TWSG1: variants seen among roughly 807,000 people sequenced by gnomAD.
The protein encoded by TWSG1 is twisted gastrulation protein homolog 1.
In TWSG1, 15 loss-of-function variants were observed where a neutral mutation model predicts 23.0. That is an observed-to-expected ratio of 0.65 (90% confidence interval 0.44 to 1.00). The LOEUF (loss-of-function observed/expected upper bound fraction) is 1.00. Ranked by LOEUF, TWSG1 falls within the 50% of genes least tolerant of loss-of-function variation. The pLI, the probability that TWSG1 is intolerant of heterozygous loss-of-function variation, is 0.00. For missense variants in TWSG1, 242 were observed against 278.7 expected (o/e 0.87, Z 0.94); for synonymous variants, 86 against 92.8 (o/e 0.93, Z 0.42).
intron 2 of TWSG1, among the ~76,000 whole-genome samples, chr18:9,348,385 C>A (rs755514983): frequency 1.3e-5 from 2 of 152,120 alleles, no homozygotes; most frequent in Admixed American, 6.5e-5. Flanking sequence ...TTTCATGTGC[C>A]AGTGATTGTT....
intron 2 of TWSG1, among the ~76,000 whole-genome samples, chr18:9,347,291 A>G (rs1322946687): frequency 6.6e-6 from 1 of 152,176 alleles, no homozygotes; most frequent in Non-Finnish European, 1.5e-5. Context: ...TTCTTTGGAG[A>G]GTATTTTTTG....
intron 2 of TWSG1, among the ~76,000 whole-genome samples, chr18:9,350,161 G>A (rs551034927): frequency 2.0e-4 from 31 of 151,892 alleles, no homozygotes; most frequent in Middle Eastern, 3.4e-3. Context: ...AAGTTGTGGC[G>A]CTAACCTATT....
chr18:9,372,515 C>G (rs966799803), intron 3 of TWSG1, among the ~76,000 whole-genome samples: 2 of 147,812 alleles, frequency 1.4e-5, no homozygotes, highest in Admixed American at 6.8e-5. Context: ...GGGACAACTA[C>G]TGTATGTATA....
chr18:9,391,851 C>T lies in TWSG1; in HGVS notation c.224-4429C>T, dbSNP rs139207751. Among the ~76,000 whole-genome samples the T allele has an allele frequency of 5.1e-3, 779 of 152,310 alleles. 6 individuals carry two copies. The highest frequency in any genetic ancestry group is 0.018 in the African/African-American group (742 of 41,560). Reference sequence around the variant, plus strand: ...TGAAAGCAACATTAATCCCCTTGTACGTCTTCATCAGAGCTCTTGAGTAAC... The same window carrying T: ...TGAAAGCAACATTAATCCCCTTGTATGTCTTCATCAGAGCTCTTGAGTAAC... On this transcript the variant is annotated intron_variant, in intron 3 of 4. Coordinates refer to ENST00000262120, the MANE Select transcript of TWSG1 (RefSeq NM_020648.6).
At chr18:9,398,596 T>A (rs1455214586) in intron 4 of TWSG1, among the ~76,000 whole-genome samples, 1 of 152,068 alleles carries the variant, frequency 6.6e-6, no homozygotes, top group African/African-American at 2.4e-5. Flanking sequence ...TAGCTGGGGT[T>A]ACAGGTACCC....
chr18:9,357,553 G>A (rs1043145525), intron 2 of TWSG1, among the ~76,000 whole-genome samples: 3 of 152,190 alleles, frequency 2.0e-5, no homozygotes, highest in Non-Finnish European at 4.4e-5. Flanking sequence ...TTGAAAGCAC[G>A]GTATTGAGGT....
intron 3 of TWSG1, among the ~76,000 whole-genome samples, chr18:9,382,069 A>T (rs1049547378): frequency 2.0e-5 from 3 of 148,370 alleles, no homozygotes; most frequent in Admixed American, 1.4e-4. Flanking sequence ...GTATCTTTCA[A>T]TAATATTTTT....
chr18:9,386,577 T>C (rs775700207), intron 3 of TWSG1, among the ~76,000 whole-genome samples: 3 of 141,894 alleles, frequency 2.1e-5, no homozygotes, highest in Non-Finnish European at 4.6e-5. Flanking sequence ...TCCAGAAGAA[T>C]TAAAAAAAAA....
rs146282940 is a variant in TWSG1, at chr18:9,377,479, A to G, written c.223+17408A>G. Among the ~76,000 whole-genome samples the G allele has an allele frequency of 5.9e-3, 903 of 152,160 alleles. 10 individuals carry two copies. The highest frequency in any genetic ancestry group is 0.02 in the African/African-American group (847 of 41,530). On this transcript the variant is annotated intron_variant, in intron 3 of 4. Coordinates refer to ENST00000262120, the MANE Select transcript of TWSG1 (RefSeq NM_020648.6). ...AGTGATCTGCCCGCCTTGGCCTCCCAAAGTGCTGGGATTACGGGCATGAGC... is the reference window on the plus strand; with the variant it reads ...AGTGATCTGCCCGCCTTGGCCTCCCGAAGTGCTGGGATTACGGGCATGAGC...
At chr18:9,336,757 C>G (rs1411612236) in intron 1 of TWSG1, among the ~76,000 whole-genome samples, 2 of 152,232 alleles carry the variant, frequency 1.3e-5, no homozygotes, top group Admixed American at 6.5e-5. Context: ...TAGATATACT[C>G]ACTCTACTTT....
Position 9,400,910 on chromosome 18 carries a change from T to C in TWSG1, c.*1383T>C, listed in dbSNP as rs1459845731. The C allele has an allele frequency of 6.6e-6, 1 of 152,200 alleles. No homozygotes were observed. Among genetic ancestry groups the C allele is most frequent in the Non-Finnish European group, 1.5e-5 (1 of 68,026 alleles). The allele number at this position is 152,200 out of a possible 1,614,324, so 9.4% of individuals were successfully genotyped here. A position where few individuals can be genotyped will look rare whatever the true frequency, so the allele number is the denominator to read the frequency against. On this transcript the variant is annotated 3_prime_UTR_variant, in exon 5 of 5. Transcript: ENST00000262120. ...AAATTACTAATTGCTCTAGTGCATA[T>C]TTGAACTACAAGCAACTTTTTAGGA...
At chr18:9,379,867 T>C (rs1223826697) in intron 3 of TWSG1, among the ~76,000 whole-genome samples, 3 of 152,228 alleles carry the variant, frequency 2.0e-5, no homozygotes. Flanking sequence ...TTAATATTGA[T>C]TCTTCCTACC....
intron 3 of TWSG1, among the ~76,000 whole-genome samples, chr18:9,374,795 A>T (rs1399921263): frequency 6.6e-6 from 1 of 152,202 alleles, no homozygotes; most frequent in Non-Finnish European, 1.5e-5. Flanking sequence ...ATCAAATCCA[A>T]CAATGTATAA....
At chr18:9,360,361 C>T (rs1444529388) in intron 3 of TWSG1, among the ~76,000 whole-genome samples, 1 of 151,302 alleles carries the variant, frequency 6.6e-6, no homozygotes, top group East Asian at 1.9e-4. Flanking sequence ...TAAGCAGCAG[C>T]ATTTTTTTTT....
intron 3 of TWSG1, chr18:9,387,916 T>A (rs2040693431): frequency 6.6e-6 from 1 of 152,266 alleles, no homozygotes; most frequent in South Asian, 2.1e-4. Context: ...AATAATTTCT[T>A]GGTGAAATCT....
In TWSG1 at chr18:9,344,517, G is replaced by GTGTGTGTGTGTGTATGTGTA. The variant is rs1555650744; in HGVS notation, c.123+7170_123+7171insGTGTGTGTATGTGTATGTGT. 1.9e-5 allele frequency among the ~76,000 whole-genome samples: 2 copies of GTGTGTGTGTGTGTATGTGTA among 105,760 alleles called. 1 individual carries two copies. The highest frequency in any genetic ancestry group is 7.1e-5 in the African/African-American group (2 of 28,240). 69.4% of individuals were successfully genotyped at this position (105,760 alleles called of 152,430 possible). ...TGTGTGTGTGTGTGTGTGTGTGTGTGTGTGTATGTATGTATTTTTTTTTTT... is the reference window on the plus strand; with the variant it reads ...TGTGTGTGTGTGTGTGTGTGTGTGTGTGTGTGTGTGTGTATGTGTATGTGTATGTATGTATTTTTTTTTTT... On this transcript the variant is annotated intron_variant, in intron 2 of 4. Coordinates refer to ENST00000262120, the MANE Select transcript of TWSG1 (RefSeq NM_020648.6).
intron 4 of TWSG1, among the ~76,000 whole-genome samples, chr18:9,397,795 C>T (rs1427255263): frequency 2.0e-5 from 3 of 151,996 alleles, no homozygotes; most frequent in African/African-American, 4.8e-5. Context: ...CACCTGAGGT[C>T]GGGAGTTTGA....
chr18:9,348,788 A>G (rs1478034796), intron 2 of TWSG1, among the ~76,000 whole-genome samples: 4 of 152,236 alleles, frequency 2.6e-5, no homozygotes, highest in Non-Finnish European at 1.5e-5. Flanking sequence ...TGTAGAGAGA[A>G]TTTAGGTTTC....
At chr18:9,361,301 T>C (rs1485007000) in intron 3 of TWSG1, among the ~76,000 whole-genome samples, 1 of 152,218 alleles carries the variant, frequency 6.6e-6, no homozygotes, top group African/African-American at 2.4e-5. Context: ...ATTTTTCTTA[T>C]CTTTATGGGA....
Sources: allele counts gnomAD v4.1 joint callset (sites outside exome capture counted in the v4.1 genomes callset), GRCh38; gene constraint gnomAD v4.1.1; transcripts MANE v1.5; gene names NCBI Gene and HGNC (gene_info 2026-07-23, HGNC 2026-07-21).